Variants in SNTG1 observed in about 807,000 individuals in gnomAD.
SNTG1 encodes the protein syntrophin gamma 1, also known as gamma-1-syntrophin.
In SNTG1, 39 loss-of-function variants were observed where a neutral mutation model predicts 74.7. That is an observed-to-expected ratio of 0.52 (90% CI 0.40 to 0.68). The LOEUF is 0.68. Ranked by LOEUF, SNTG1 falls within the 30% of genes least tolerant of loss-of-function variation. The probability of loss-of-function intolerance (pLI) is 0.00; values close to 1 mark genes in which losing one functional copy is unlikely to be tolerated. For missense variants in SNTG1, 685 were observed against 609.5 expected, an observed-to-expected ratio of 1.12 and a Z score of -1.30; for synonymous variants, 254 against 217.1, an observed-to-expected ratio of 1.17 and a Z score of -1.49.
chr8:50,031,430 G>GAA (rs1442975988), intron 1 of SNTG1, among the ~76,000 whole-genome samples: 1 of 151,964 alleles, frequency 6.6e-6, no homozygotes, highest in African/African-American at 2.4e-5. Flanking sequence ...AGCTTAAGGG[G>GAA]AAAACATTTA....
chr8:50,202,870 C>T (rs12543583), intron 2 of SNTG1, among the ~76,000 whole-genome samples: 23 of 150,616 alleles, frequency 1.5e-4, no homozygotes, highest in Middle Eastern at 3.4e-3. Context: ...ATTTATACTG[C>T]TCTGTGTTCT....
intron 11 of SNTG1, among the ~76,000 whole-genome samples, chr8:50,537,201 T>G (rs550289339): frequency 1.3e-5 from 2 of 152,326 alleles, no homozygotes; most frequent in South Asian, 2.1e-4. Context: ...CTTAGCTCAC[T>G]GCAACCTCCA....
chr8:50,295,853 A>G (rs923648284), intron 2 of SNTG1, among the ~76,000 whole-genome samples: 8 of 152,168 alleles, frequency 5.3e-5, no homozygotes, highest in Admixed American at 2.6e-4. Flanking sequence ...TTTGGACAAA[A>G]TGTTCCTCAT....
chr8:50,447,569 G>A (rs2093418265), intron 5 of SNTG1, among the ~76,000 whole-genome samples: 1 of 151,986 alleles, frequency 6.6e-6, no homozygotes, highest in African/African-American at 2.4e-5. Flanking sequence ...CGCTGGGCCT[G>A]GAAAAGCCGT....
At chr8:50,060,793 T>C (rs1217380121) in intron 1 of SNTG1, among the ~76,000 whole-genome samples, 1 of 152,172 alleles carries the variant, frequency 6.6e-6, no homozygotes, top group Admixed American at 6.6e-5. Context: ...ATTTGTTTAA[T>C]GCTTTTTTTA....
chr8:50,070,297 T>C (rs1821254403), intron 1 of SNTG1, among the ~76,000 whole-genome samples: 2 of 152,198 alleles, frequency 1.3e-5, no homozygotes, highest in Non-Finnish European at 2.9e-5. Context: ...AAAAAAATTG[T>C]TCATTATTGT....
chr8:50,590,610 C>T (rs891747277), intron 12 of SNTG1, among the ~76,000 whole-genome samples: 1 of 152,032 alleles, frequency 6.6e-6, no homozygotes, highest in African/African-American at 2.4e-5. Context: ...ATTGTTTGAA[C>T]ACAGGCTTTT....
chr8:50,524,355 A>AT (rs2130216759), intron 9 of SNTG1, among the ~76,000 whole-genome samples: 1 of 152,140 alleles, frequency 6.6e-6, no homozygotes, highest in East Asian at 1.9e-4. Context: ...CCTTTTACCT[A>AT]TTTTTAATGG....
chr8:50,261,717 T>C (rs1267968776), intron 2 of SNTG1, among the ~76,000 whole-genome samples: 1 of 152,062 alleles, frequency 6.6e-6, no homozygotes. Context: ...AGACTTGCAT[T>C]AGACGTAAAT....
chr8:50,270,217 G>T (rs1017005020), intron 2 of SNTG1, among the ~76,000 whole-genome samples: 1 of 152,060 alleles, frequency 6.6e-6, no homozygotes, highest in Admixed American at 6.6e-5. Flanking sequence ...TTGAATGCCA[G>T]GTTAAGAATT....
At chr8:50,178,237 A>G (rs2083071290) in intron 2 of SNTG1, among the ~76,000 whole-genome samples, 1 of 152,130 alleles carries the variant, frequency 6.6e-6, no homozygotes, top group Non-Finnish European at 1.5e-5. Flanking sequence ...GGAATTGCAA[A>G]GCTGTTTTCC....
intron 11 of SNTG1, among the ~76,000 whole-genome samples, chr8:50,542,633 G>C (rs2094356712): frequency 6.6e-6 from 1 of 152,098 alleles, no homozygotes; most frequent in South Asian, 2.1e-4. Context: ...GGATCGTGTG[G>C]TAGTCTTATT....
rs1292875187 is a variant in SNTG1 at position 50,709,135 on chromosome 8, GA to G, written c.1284+164del. 35 of 601,192 alleles carry G rather than the reference GA, an allele frequency of 5.8e-5. No individual in the cohort carries two copies. The South Asian group carries it at 6.4e-4, about 11-fold the overall frequency. 37.2% of individuals were successfully genotyped at this position (601,192 alleles called of 1,614,324 possible). On this transcript the variant is annotated intron_variant, in intron 17 of 18. Transcript: ENST00000642720. ...TGGAAGATAAATTATGCTTCGATCT[GA>G]AAAAAAGTTTGAATTTTTAATAAAA...
chr8:50,671,414 A>G (rs2095281865), intron 15 of SNTG1, among the ~76,000 whole-genome samples: 1 of 151,192 alleles, frequency 6.6e-6, no homozygotes, highest in South Asian at 2.1e-4. Context: ...AAAAGAAGAT[A>G]TTTATGCAGC....
chr8:50,650,369 C>T (rs2131228780), intron 13 of SNTG1, among the ~76,000 whole-genome samples: 1 of 151,966 alleles, frequency 6.6e-6, no homozygotes, highest in East Asian at 1.9e-4. Context: ...TGTAAATTTC[C>T]CTTTTTATAA....
chr8:50,419,292 C>T (rs916614868), intron 4 of SNTG1, among the ~76,000 whole-genome samples: 12 of 152,286 alleles, frequency 7.9e-5, no homozygotes, highest in Admixed American at 4.6e-4. Context: ...CAAAAGTGCC[C>T]TCTTTCTATC....
chr8:50,090,082 G>A (rs954944990), intron 1 of SNTG1, among the ~76,000 whole-genome samples: 2 of 152,180 alleles, frequency 1.3e-5, no homozygotes, highest in South Asian at 4.1e-4. Context: ...ATTAAACACA[G>A]CATTTCAGAG....
intron 1 of SNTG1, among the ~76,000 whole-genome samples, chr8:50,165,923 A>T (rs2082599294): frequency 6.6e-6 from 1 of 150,608 alleles, no homozygotes; most frequent in South Asian, 2.1e-4. Flanking sequence ...CAAAACAGAG[A>T]TATAGATCAA....
chr8:50,499,172 A>G (rs763101539), intron 8 of SNTG1, among the ~76,000 whole-genome samples: 1 of 151,776 alleles, frequency 6.6e-6, no homozygotes, highest in Non-Finnish European at 1.5e-5. Context: ...GGATTTCCAT[A>G]TGGGTTTGAT....
Sources: allele counts gnomAD v4.1 joint callset (sites outside exome capture counted in the v4.1 genomes callset), GRCh38; gene constraint gnomAD v4.1.1; transcripts MANE v1.5; gene names NCBI Gene and HGNC (gene_info 2026-07-23, HGNC 2026-07-21).